DCAF17: variants seen among roughly 807,000 people sequenced by gnomAD.
The protein encoded by DCAF17 is DDB1 and CUL4 associated factor 17, also known as DDB1- and CUL4-associated factor 17.
In DCAF17, 48 loss-of-function variants were observed where a neutral mutation model predicts 66.0. The observed-to-expected ratio is 0.73, with a 90% confidence interval of 0.58 to 0.92. The LOEUF (loss-of-function observed/expected upper bound fraction) is 0.92. Ranked by LOEUF, DCAF17 falls within the 40% of genes least tolerant of loss-of-function variation. The pLI, the probability that DCAF17 is intolerant of heterozygous loss-of-function variation, is 0.00. For missense variants in DCAF17, 562 were observed against 622.8 expected (o/e 0.90, Z 1.04); for synonymous variants, 206 against 214.6 (o/e 0.96, Z 0.35).
rs1368143983 is a variant in DCAF17, at chr2:171,481,304, A to C, written c.*190A>C. The C allele has an allele frequency of 2.7e-6, 2 of 727,774 alleles. No individual in the cohort carries two copies. The highest frequency in any genetic ancestry group is 4.1e-5 in the Admixed American group (2 of 48,940). 45.1% of individuals were successfully genotyped at this position (727,774 alleles called of 1,614,324 possible). On this transcript the variant is annotated 3_prime_UTR_variant, in exon 14 of 14. Coordinates refer to ENST00000375255, the MANE Select transcript of DCAF17 (RefSeq NM_025000.4). ...GATGGTGAGGACTTCATTTTTTTTAAAGGTTTTTTAGAATACTGTTCCAAG... is the reference window on the plus strand; with the variant it reads ...GATGGTGAGGACTTCATTTTTTTTACAGGTTTTTTAGAATACTGTTCCAAG...
chr2:171,437,015 C>A (rs955719259), intron 2 of DCAF17, among the ~76,000 whole-genome samples: 1 of 151,970 alleles, frequency 6.6e-6, no homozygotes, highest in African/African-American at 2.4e-5. Flanking sequence ...TTCAGGTGAT[C>A]CGGCCACCTC....
At chr2:171,455,711 T>C (rs940312290) in intron 6 of DCAF17, among the ~76,000 whole-genome samples, 1 of 152,240 alleles carries the variant, frequency 6.6e-6, no homozygotes, top group African/African-American at 2.4e-5. Context: ...CCATTCTGAC[T>C]GGTGTGAAAT....
At chr2:171,470,390 G>A (rs73976164) in intron 9 of DCAF17, among the ~76,000 whole-genome samples, 2,134 of 152,102 alleles carry the variant, frequency 0.014, 58 homozygotes, top group African/African-American at 0.049. Flanking sequence ...CTTTCACCAC[G>A]CACGTTACAG....
chr2:171,440,500 A>G (rs970716994), intron 2 of DCAF17, among the ~76,000 whole-genome samples: 6 of 152,240 alleles, frequency 3.9e-5, no homozygotes, highest in African/African-American at 1.4e-4. Flanking sequence ...GCTTGAGCCC[A>G]GGAGGTCAAG....
At chr2:171,472,887 G>T in intron 9 of DCAF17, 1 of 329,344 alleles carries the variant, frequency 3.0e-6, no homozygotes, top group Admixed American at 4.6e-5. Flanking sequence ...TAAATTAAAT[G>T]ACTTCTGTAA....
Position 171,481,673 on chromosome 2 carries a change from A to G in DCAF17, c.*559A>G. ...GTATTTATATGTGTTTCGTATTTGT[A>G]TATAGTATCAGGAATTGGTTCTAGT... On this transcript the variant is annotated 3_prime_UTR_variant, in exon 14 of 14. Transcript: ENST00000375255. 4.4e-6 allele frequency: 2 copies of G among 453,506 alleles called. No homozygotes were observed. Among genetic ancestry groups the G allele is most frequent in the South Asian group, 3.1e-5 (2 of 64,316 alleles). The allele number at this position is 453,506 out of a possible 1,614,324, so 28.1% of individuals were successfully genotyped here.
intron 2 of DCAF17, among the ~76,000 whole-genome samples, chr2:171,435,824 C>T (rs1222197488): frequency 6.6e-6 from 1 of 152,014 alleles, no homozygotes; most frequent in Non-Finnish European, 1.5e-5. Flanking sequence ...TTTTTATAGG[C>T]TTTATTAGGA....
At position 171,458,049 on chromosome 2, in the gene DCAF17, T is replaced by C. The variant is rs1441418837; in HGVS notation, c.706T>C (p.Tyr236His). The C allele has an allele frequency of 2.5e-6, 4 of 1,613,936 alleles. No individual in the cohort carries two copies. The highest frequency in any genetic ancestry group is 2.5e-6 in the Non-Finnish European group (3 of 1,179,944). Residue 236 changes from tyrosine (Y) to histidine (H), a missense_variant, in exon 7 of 14, where the codon TAT (tyrosine) becomes CAT (histidine). By Grantham distance (83) the Tyr-to-His change is moderately conservative. Transcript: ENST00000375255. ...GTACAGCTCAGGACTGGTCAGACTCTATAGCTTCCAAACCATCGCTGAACA... is the reference window on the plus strand; with the variant it reads ...GTACAGCTCAGGACTGGTCAGACTCCATAGCTTCCAAACCATCGCTGAACA... The part of the protein sequence containing the change: ...VMYSSGLVRL[Y>H]SFQTIAEQFM...
At chr2:171,435,334 G>A (rs1693806461) in intron 2 of DCAF17, 148 bp downstream of exon 2, 1 of 684,024 alleles carries the variant, frequency 1.5e-6, no homozygotes, top group Non-Finnish European at 2.6e-6. Context: ...AAAAATGCAT[G>A]TAATTTTAAA....
intron 2 of DCAF17, among the ~76,000 whole-genome samples, chr2:171,438,738 T>C (rs1400864755): frequency 2.0e-5 from 3 of 149,170 alleles, no homozygotes; most frequent in Non-Finnish European, 4.4e-5. Flanking sequence ...TATCTGTGCC[T>C]TTTTTTTTCC....
At chr2:171,470,094 G>T (rs1021311195) in intron 9 of DCAF17, among the ~76,000 whole-genome samples, 1 of 152,192 alleles carries the variant, frequency 6.6e-6, no homozygotes, top group Admixed American at 6.5e-5. Flanking sequence ...CACAATCAGA[G>T]CTCACTGCAG....
Position 171,435,134 on chromosome 2 carries a change from G to T in DCAF17, c.178G>T (p.Ala60Ser), listed in dbSNP as rs1693776175. 1.9e-6 allele frequency: 3 copies of T among 1,613,602 alleles called. No individual in the cohort carries two copies. The African/African-American group carries it at 4.0e-5, about 22-fold the overall frequency. Reference sequence around the variant, plus strand: ...GACAACTCATTCCAGGTCACCTATAGCCTATGAGAGAGGAAGAATATATTT... The same window carrying T: ...GACAACTCATTCCAGGTCACCTATATCCTATGAGAGAGGAAGAATATATTT... The part of the protein sequence containing the change: ...VWTTHSRSPI[A>S]YERGRIYFDN... Residue 60 changes from alanine to serine, a missense_variant, in exon 2 of 14, where the codon GCC (alanine) becomes TCC (serine). Physicochemically the swap from Ala to Ser is moderately conservative, Grantham distance 99. This residue lies in a region of DCAF17 where 348 missense variants were observed against 355.9 expected (regional missense o/e 0.98). Transcript: ENST00000375255.
intron 2 of DCAF17, among the ~76,000 whole-genome samples, chr2:171,437,487 C>G (rs891556362): frequency 1.3e-5 from 2 of 152,212 alleles, no homozygotes; most frequent in African/African-American, 4.8e-5. Context: ...GTCTTGATCA[C>G]TGCTGCTGTG....
intron 11 of DCAF17, 127 bp from the exon 12 acceptor site, chr2:171,477,860 A>T: frequency 1.3e-6 from 1 of 751,414 alleles, no homozygotes; most frequent in South Asian, 1.5e-5. Context: ...GAATTTTCTC[A>T]GTTGAGGAAA....
rs1435521084 is a variant in DCAF17, at chr2:171,482,809, G to C, written c.*1695G>C. ...ATTCCTGGCTGCTTTTTTGCTGGGGGTAGATGGTGGAATACTTCTGGTCTA... is the reference window on the plus strand; with the variant it reads ...ATTCCTGGCTGCTTTTTTGCTGGGGCTAGATGGTGGAATACTTCTGGTCTA... On this transcript the variant is annotated 3_prime_UTR_variant, in exon 14 of 14. Coordinates refer to ENST00000375255, the MANE Select transcript of DCAF17 (RefSeq NM_025000.4). 2.2e-6 allele frequency: 1 copy of C among 453,778 alleles called. No homozygotes were observed. The highest frequency in any genetic ancestry group is 4.4e-6 in the Non-Finnish European group (1 of 226,762). 28.1% of individuals were successfully genotyped at this position (453,778 alleles called of 1,614,324 possible).
chr2:171,439,887 G>A (rs1394931758), intron 2 of DCAF17, among the ~76,000 whole-genome samples: 2 of 152,114 alleles, frequency 1.3e-5, no homozygotes, highest in Non-Finnish European at 2.9e-5. Context: ...GTGATTGCAT[G>A]CCACTGCACT....
chr2:171,434,387 G>A lies in DCAF17; in HGVS notation c.-191G>A, dbSNP rs529221637. On this transcript the variant is annotated 5_prime_UTR_variant, in exon 1 of 14. The change creates a new upstream start codon in the 5' untranslated region. Coordinates refer to ENST00000375255, the MANE Select transcript of DCAF17 (RefSeq NM_025000.4). ...CTTCCCTTCTCTCCGCGCTCTGGCG[G>A]TGCAAGCGGCTCTGCTTTCCCTCGC... 3 of 959,026 alleles carry A rather than the reference G, an allele frequency of 3.1e-6. No homozygotes were observed. The highest frequency in any genetic ancestry group is 2.0e-5 in the Admixed American group (1 of 49,766). The allele number at this position is 959,026 out of a possible 1,614,324, so 59.4% of individuals were successfully genotyped here.
In DCAF17 at chr2:171,470,434, G is replaced by A. The variant is rs552411783; in HGVS notation, c.981+1404G>A. ...TTACCATGTTGCAGGTCAGCATAGC[G>A]TTGGGTCCATTTGTCCACTTCCCTT... On this transcript the variant is annotated intron_variant, in intron 9 of 13. Coordinates refer to ENST00000375255, the MANE Select transcript of DCAF17 (RefSeq NM_025000.4). Among the ~76,000 whole-genome samples, 10 of 152,274 alleles carry A rather than the reference G, an allele frequency of 6.6e-5. No homozygotes were observed. The South Asian group carries it at 1.2e-3, about 19-fold the overall frequency.
intron 10 of DCAF17, among the ~76,000 whole-genome samples, chr2:171,475,417 C>T (rs1015601020): frequency 6.6e-6 from 1 of 151,986 alleles, no homozygotes; most frequent in African/African-American, 2.4e-5. Flanking sequence ...ACACCTATAA[C>T]CCCAGCACTA....
Sources: allele counts gnomAD v4.1 joint callset (sites outside exome capture counted in the v4.1 genomes callset), GRCh38; gene constraint gnomAD v4.1.1; regional missense constraint gnomAD v4.1.1; transcripts MANE v1.5; gene names NCBI Gene and HGNC (gene_info 2026-07-23, HGNC 2026-07-21).